Variants in CD8B2 observed in about 807,000 individuals in gnomAD.
The protein encoded by CD8B2 is T-cell surface glycoprotein CD8 beta-2 chain.
A neutral mutation model predicts 23.7 loss-of-function variants in CD8B2; 11 were observed. The observed-to-expected ratio is 0.46, with a 90% CI of 0.29 to 0.77. The LOEUF is 0.77. Ranked by LOEUF, CD8B2 falls within the 30% of genes least tolerant of loss-of-function variation. The pLI, the probability that CD8B2 is intolerant of heterozygous loss-of-function variation, is 0.09. For synonymous variants in CD8B2, 90 were observed against 109.3 expected (o/e 0.82, Z 1.10); for missense variants, 197 against 270.5 (o/e 0.73, Z 1.91).
intron 5 of CD8B2, among the ~76,000 whole-genome samples, chr2:106,516,509 G>T (rs1679731929): frequency 6.6e-6 from 1 of 152,134 alleles, no homozygotes; most frequent in Non-Finnish European, 1.5e-5. Context: ...TCTTTCTGTA[G>T]TATTTATCCC....
chr2:106,501,577 G>T (rs1235763739), intron 3 of CD8B2, among the ~76,000 whole-genome samples: 2 of 152,218 alleles, frequency 1.3e-5, no homozygotes. Flanking sequence ...AGCTACTTGG[G>T]AGGCTGAGGC....
intron 5 of CD8B2, among the ~76,000 whole-genome samples, chr2:106,527,124 T>C (rs1226151714): frequency 6.6e-6 from 1 of 152,226 alleles, no homozygotes; most frequent in Non-Finnish European, 1.5e-5. Context: ...TAATAACTTC[T>C]ATATTTAACT....
At chr2:106,514,748 A>T (rs1305192755), downstream of CD8B2, among the ~76,000 whole-genome samples, 2 of 24,056 alleles carry the variant, frequency 8.3e-5, no homozygotes, top group East Asian at 3.6e-3. Context: ...CTCAGTTAAG[A>T]CTTTTGTGTG....
chr2:106,505,930 G>A (rs1331059329), intron 5 of CD8B2, among the ~76,000 whole-genome samples: 1 of 152,152 alleles, frequency 6.6e-6, no homozygotes, highest in African/African-American at 2.4e-5. Context: ...TCAGGAGTTT[G>A]AGACCAGCCT....
At chr2:106,519,632 C>T (rs1274283314) in intron 5 of CD8B2, among the ~76,000 whole-genome samples, 1 of 152,192 alleles carries the variant, frequency 6.6e-6, no homozygotes, top group Non-Finnish European at 1.5e-5. Context: ...GACCCAAACA[C>T]ATGCAGGCCC....
intron 2 of CD8B2, among the ~76,000 whole-genome samples, chr2:106,493,870 TG>T (rs1236746823): frequency 6.6e-6 from 1 of 152,174 alleles, no homozygotes; most frequent in African/African-American, 2.4e-5. Flanking sequence ...CTGGATAAAA[TG>T]GGGACAACAG....
intron 3 of CD8B2, among the ~76,000 whole-genome samples, chr2:106,499,315 C>T (rs1340255669): frequency 1.3e-5 from 2 of 151,978 alleles, no homozygotes; most frequent in Non-Finnish European, 2.9e-5. Flanking sequence ...GGTGGATCAC[C>T]TGAGGTCAGG....
At chr2:106,535,527 A>G (rs1438782142) in intron 5 of CD8B2, among the ~76,000 whole-genome samples, 1 of 152,132 alleles carries the variant, frequency 6.6e-6, no homozygotes, top group African/African-American at 2.4e-5. Flanking sequence ...TCAGAACAGT[A>G]AGGCAAGTTT....
At chr2:106,494,268 C>G (rs1679253952) in intron 2 of CD8B2, among the ~76,000 whole-genome samples, 1 of 151,834 alleles carries the variant, frequency 6.6e-6, no homozygotes. Context: ...CTGCCTCAAC[C>G]TCTTGAGTAG....
intron 5 of CD8B2, among the ~76,000 whole-genome samples, chr2:106,525,925 A>C (rs945796807): frequency 2.0e-5 from 3 of 152,188 alleles, no homozygotes; most frequent in African/African-American, 7.2e-5. Context: ...ACGAGGCCAA[A>C]GATATAAAAT....
chr2:106,497,154 G>C (rs997554469), intron 3 of CD8B2, among the ~76,000 whole-genome samples: 2 of 152,168 alleles, frequency 1.3e-5, no homozygotes, highest in African/African-American at 4.8e-5. Context: ...GCACATGCCT[G>C]TAGTCCCAGT....
intron 5 of CD8B2, among the ~76,000 whole-genome samples, chr2:106,529,577 T>C (rs1212035479): frequency 2.0e-5 from 3 of 152,204 alleles, no homozygotes; most frequent in Non-Finnish European, 2.9e-5. Context: ...CTTTAATGCT[T>C]CTTAAATCCA....
chr2:106,527,335 G>A (rs1195550740), intron 5 of CD8B2, among the ~76,000 whole-genome samples: 1 of 152,190 alleles, frequency 6.6e-6, no homozygotes, highest in African/African-American at 2.4e-5. Context: ...CCAGACTGCT[G>A]GTCGCAGGTT....
intron 5 of CD8B2, among the ~76,000 whole-genome samples, chr2:106,522,642 G>T (rs1679844918): frequency 1.3e-5 from 2 of 152,254 alleles, no homozygotes; most frequent in East Asian, 3.9e-4. Flanking sequence ...AGCTGAATTA[G>T]TTTAACCTCA....
rs1368104399 is a variant in CD8B2 at position 106,491,184 on chromosome 2, C to T, written c.354C>T (p.Ile118=). ...PEDSGIYFCM[I]VGSPELTFGK... is the part of the protein sequence containing the mutation. ...ACAGTGGCATCTACTTCTGCATGAT[C>T]GTCGGGAGCCCCGAGCTGACCTTCG... The change falls in exon 2 of 6, where the codon ATC becomes ATT. Residue 118 remains isoleucine (I), a synonymous_variant. Transcript: ENST00000643224. 2.2e-5 allele frequency: 35 copies of T among 1,613,218 alleles called. No homozygotes were observed. The highest frequency in any genetic ancestry group is 3.3e-5 in the South Asian group (3 of 91,056).
At chr2:106,521,081 G>C (rs1007087947) in intron 5 of CD8B2, among the ~76,000 whole-genome samples, 1 of 151,938 alleles carries the variant, frequency 6.6e-6, no homozygotes, top group African/African-American at 2.4e-5. Context: ...ACAGATGCGA[G>C]AATGGAAAGA....
intron 5 of CD8B2, among the ~76,000 whole-genome samples, chr2:106,536,584 G>GAA (rs1680094329): frequency 6.6e-6 from 1 of 152,206 alleles, no homozygotes; most frequent in African/African-American, 2.4e-5. Flanking sequence ...TGACTTTGCT[G>GAA]TATCAAGTAT....
intron 3 of CD8B2, among the ~76,000 whole-genome samples, chr2:106,499,758 T>C (rs947330621): frequency 3.3e-4 from 49 of 150,278 alleles, no homozygotes; most frequent in African/African-American, 1.1e-3. Context: ...ACCGTCTACC[T>C]CTGCAGATTT....
At chr2:106,490,301 C>T (rs1346103415) in intron 1 of CD8B2, among the ~76,000 whole-genome samples, 2 of 152,140 alleles carry the variant, frequency 1.3e-5, no homozygotes, top group Non-Finnish European at 1.5e-5. Context: ...CACTTACATA[C>T]TGTAAGTGGG....
Sources: allele counts gnomAD v4.1 joint callset (sites outside exome capture counted in the v4.1 genomes callset), GRCh38; gene constraint gnomAD v4.1.1; transcripts MANE v1.5; gene names NCBI Gene and HGNC (gene_info 2026-07-23, HGNC 2026-07-21).